Variants in RARB observed in about 807,000 individuals in gnomAD.
The protein encoded by RARB is HBV-activated protein.
In RARB, 17 loss-of-function variants were observed where a neutral mutation model predicts 51.9. That is an observed-to-expected ratio of 0.33 (90% CI 0.22 to 0.49). The LOEUF is 0.49. Among genes scored for constraint, RARB ranks in the 20% least tolerant of loss-of-function variants. The probability of loss-of-function intolerance (pLI) is 0.99; values close to 1 mark genes in which losing one functional copy is unlikely to be tolerated. For synonymous variants in RARB, 215 were observed against 195.4 expected (o/e 1.10, Z -0.84); for missense variants, 369 against 550.8 (o/e 0.67, Z 3.30).
intron 1 of RARB, among the ~76,000 whole-genome samples, chr3:25,446,897 G>C (rs188520217): frequency 7.3e-5 from 11 of 150,552 alleles, no homozygotes; most frequent in African/African-American, 2.5e-4. Flanking sequence ...TACTAATCTT[G>C]CGTGTGGATT....
chr3:25,358,436 C>G (rs1176883609), intron 5 of RARB, among the ~76,000 whole-genome samples: 1 of 152,114 alleles, frequency 6.6e-6, no homozygotes, highest in Non-Finnish European at 1.5e-5. Context: ...ACAGAGACAA[C>G]TTGACTTCCT....
chr3:25,534,751 G>T (rs1378240746), intron 3 of RARB, among the ~76,000 whole-genome samples: 1 of 151,902 alleles, frequency 6.6e-6, no homozygotes, highest in African/African-American at 2.4e-5. Flanking sequence ...GTCCTTACCT[G>T]TTGGCTTTGG....
chr3:24,909,475 A>G (rs1452023732), intron 2 of RARB, among the ~76,000 whole-genome samples: 1 of 152,118 alleles, frequency 6.6e-6, no homozygotes, highest in East Asian at 1.9e-4. Context: ...GAGTGTGCAC[A>G]CGAGGCCTGT....
chr3:25,486,059 G>A (rs1207837165), intron 2 of RARB, among the ~76,000 whole-genome samples: 1 of 152,192 alleles, frequency 6.6e-6, no homozygotes, highest in Non-Finnish European at 1.5e-5. Flanking sequence ...TCCATTTTGT[G>A]TCTGGTTATT....
intron 1 of RARB, among the ~76,000 whole-genome samples, chr3:25,443,591 CGACA>C (rs1489204175): frequency 6.7e-6 from 1 of 149,254 alleles, no homozygotes; most frequent in Non-Finnish European, 1.5e-5. Context: ...CTAGCCTGGG[CGACA>C]GACAGACAGT....
At chr3:25,017,215 C>T (rs182609666) in intron 2 of RARB, among the ~76,000 whole-genome samples, 1 of 147,506 alleles carries the variant, frequency 6.8e-6, no homozygotes, top group African/African-American at 2.6e-5. Context: ...CTAGCTTTCC[C>T]CCCCCCTTTC....
intron 5 of RARB, among the ~76,000 whole-genome samples, chr3:25,581,722 C>A (rs1211171151): frequency 6.6e-6 from 1 of 152,040 alleles, no homozygotes; most frequent in East Asian, 1.9e-4. Flanking sequence ...CAGGGTGGAG[C>A]CCCAAGATGG....
intron 5 of RARB, among the ~76,000 whole-genome samples, chr3:25,214,478 A>C (rs1177288360): frequency 1.3e-5 from 2 of 152,244 alleles, no homozygotes; most frequent in African/African-American, 4.8e-5. Context: ...TTAAAATAAC[A>C]TATCAGTAAG....
At chr3:25,417,985 C>T (rs1264465535) in intron 5 of RARB, among the ~76,000 whole-genome samples, 1 of 152,162 alleles carries the variant, frequency 6.6e-6, no homozygotes, top group Non-Finnish European at 1.5e-5. Flanking sequence ...TTGCTGTCCT[C>T]CTCTCTGGTT....
At chr3:24,897,936 C>T (rs1038910952) in intron 2 of RARB, among the ~76,000 whole-genome samples, 2 of 152,114 alleles carry the variant, frequency 1.3e-5, no homozygotes, top group African/African-American at 4.8e-5. Context: ...TTTATTTTCC[C>T]AGAAGCATCT....
At chr3:24,901,283 T>G (rs890974071) in intron 2 of RARB, among the ~76,000 whole-genome samples, 10 of 152,132 alleles carry the variant, frequency 6.6e-5, no homozygotes, top group Non-Finnish European at 1.5e-4. Context: ...GTATTACGGG[T>G]GGACATAAAG....
intron 3 of RARB, among the ~76,000 whole-genome samples, chr3:25,555,931 AAAAGGAAGGGC>A (rs1001017273): frequency 2.0e-5 from 3 of 152,170 alleles, no homozygotes; most frequent in African/African-American, 7.2e-5. Context: ...AAAGGAAGGG[AAAAGGAAGGGC>A]AAAGGGAAGT....
chr3:25,393,317 T>C (rs1707025055), intron 5 of RARB, among the ~76,000 whole-genome samples: 1 of 152,124 alleles, frequency 6.6e-6, no homozygotes, highest in African/African-American at 2.4e-5. Context: ...TTGAGGATTT[T>C]TGTGTCTATG....
At chr3:25,392,504 G>T (rs542223920) in intron 5 of RARB, among the ~76,000 whole-genome samples, 1 of 152,138 alleles carries the variant, frequency 6.6e-6, no homozygotes, top group South Asian at 2.1e-4. Context: ...TTACAATATT[G>T]ATTCTATCCA....
At chr3:25,262,938 T>G (rs1421263058) in intron 5 of RARB, among the ~76,000 whole-genome samples, 1 of 152,228 alleles carries the variant, frequency 6.6e-6, no homozygotes, top group Non-Finnish European at 1.5e-5. Flanking sequence ...CTCTCTGACT[T>G]AATTTTGACT....
intron 4 of RARB, among the ~76,000 whole-genome samples, chr3:25,156,461 A>G (rs1014356772): frequency 7.8e-5 from 10 of 128,910 alleles, no homozygotes; most frequent in African/African-American, 3.0e-4. Context: ...CTTTCTTGCT[A>G]TTAATTTCCC....
At chr3:24,926,329 C>T (rs756912895) in intron 2 of RARB, among the ~76,000 whole-genome samples, 11 of 152,012 alleles carry the variant, frequency 7.2e-5, no homozygotes, top group Non-Finnish European at 1.5e-4. Context: ...CTGTGAAAAT[C>T]AAGGTATTGT....
At chr3:24,997,566 T>C (rs527251651) in intron 2 of RARB, among the ~76,000 whole-genome samples, 13 of 152,208 alleles carry the variant, frequency 8.5e-5, no homozygotes, top group African/African-American at 2.4e-4. Context: ...TCTACAGTTA[T>C]AAGGGTTGAG....
chr3:25,095,285 C>A (rs2125318691), intron 3 of RARB, among the ~76,000 whole-genome samples: 1 of 152,334 alleles, frequency 6.6e-6, no homozygotes, highest in South Asian at 2.1e-4. Context: ...ACTGCCATCT[C>A]TTTCAAGAGA....
Sources: allele counts gnomAD v4.1 joint callset (sites outside exome capture counted in the v4.1 genomes callset), GRCh38; gene constraint gnomAD v4.1.1; transcripts MANE v1.5; gene names NCBI Gene and HGNC (gene_info 2026-07-23, HGNC 2026-07-21).